Variants in R3HDM2 observed in about 807,000 individuals in gnomAD.
R3HDM2 encodes R3H domain containing 2.
A neutral mutation model predicts 124.5 loss-of-function variants in R3HDM2; 38 were observed. That is an observed-to-expected ratio of 0.31 (90% CI 0.24 to 0.40). The LOEUF is 0.40. R3HDM2 is among the 10% of genes least tolerant of loss of function. The pLI is 1.00. For synonymous variants in R3HDM2, 391 were observed against 448.0 expected (o/e 0.87, Z 1.61); for missense variants, 869 against 1,236.9 (o/e 0.70, Z 4.46).
chr12:57,363,071 C>A (rs2062141923), intron 2 of R3HDM2, among the ~76,000 whole-genome samples: 2 of 152,192 alleles, frequency 1.3e-5, no homozygotes, highest in South Asian at 4.1e-4. Flanking sequence ...GATCCGCCCA[C>A]CTTGGCCTCC....
rs765986921 is a variant in R3HDM2, at chr12:57,254,951, G to A, written c.2795C>T (p.Ala932Val). ...GAGGTCCGAGTGGCGGCCATTCTCA[G>A]CAGTCCCACTGTTGTCCCCCCCACC... is the stretch of plus-strand genomic sequence containing the variant. The part of the protein sequence containing the change: ...GGGGGDNSGT[A>V]ENGRHSDLAA... The change falls in exon 24 of 24, where the codon GCT becomes GTT. Residue 932 changes from alanine to valine, a missense_variant. Ala to Val is a moderately conservative substitution (Grantham distance 64). This residue lies in a region of R3HDM2 where 602 missense variants were observed against 789.2 expected (regional missense o/e 0.76). Transcript: ENST00000402412. 2 of 1,613,954 alleles carry A rather than the reference G, an allele frequency of 1.2e-6. No individual in the cohort carries two copies. The highest frequency in any genetic ancestry group is 1.7e-6 in the Non-Finnish European group (2 of 1,179,976).
intron 2 of R3HDM2, among the ~76,000 whole-genome samples, chr12:57,358,092 C>T: frequency 6.6e-6 from 1 of 151,714 alleles, no homozygotes. Flanking sequence ...AATTCTCCTG[C>T]CTCAGCTTCC....
chr12:57,256,356 G>A, intron 22 of R3HDM2, 58 bp downstream of exon 22: 2 of 1,379,718 alleles, frequency 1.4e-6, no homozygotes, highest in Non-Finnish European at 2.0e-6. Flanking sequence ...CTCAGACACA[G>A]GCACCCAAAT....
chr12:57,325,711 A>AT (rs35553480), intron 2 of R3HDM2, among the ~76,000 whole-genome samples: 2,199 of 142,078 alleles, frequency 0.015, 38 homozygotes, highest in Non-Finnish European at 0.022. Flanking sequence ...TCCTTAGCTA[A>AT]TTTTTTTTTT....
chr12:57,352,449 A>G (rs1317006457), intron 2 of R3HDM2, among the ~76,000 whole-genome samples: 1 of 151,942 alleles, frequency 6.6e-6, no homozygotes, highest in African/African-American at 2.4e-5. Context: ...TGGAGTTTAA[A>G]TAAGATGAAC....
intron 2 of R3HDM2, among the ~76,000 whole-genome samples, chr12:57,316,620 A>G (rs900486347): frequency 2.3e-4 from 31 of 133,210 alleles, no homozygotes; most frequent in African/African-American, 7.7e-4. Flanking sequence ...GAGTCTCACT[A>G]TATCACCCAG....
chr12:57,309,689 G>A (rs747320224), intron 3 of R3HDM2, among the ~76,000 whole-genome samples: 3 of 152,102 alleles, frequency 2.0e-5, no homozygotes, highest in South Asian at 2.1e-4. Context: ...TTAAATATGC[G>A]TTTGTGTACA....
chr12:57,266,074 G>A (rs2042305888), intron 19 of R3HDM2, among the ~76,000 whole-genome samples: 1 of 150,814 alleles, frequency 6.6e-6, no homozygotes, highest in Admixed American at 6.6e-5. Flanking sequence ...TGGGATTACA[G>A]GCGTGAGCCT....
chr12:57,346,837 G>A (rs1229508538), intron 2 of R3HDM2, among the ~76,000 whole-genome samples: 2 of 152,190 alleles, frequency 1.3e-5, no homozygotes, highest in Non-Finnish European at 2.9e-5. Context: ...TTTAATGTAT[G>A]TAGATGTAAC....
intron 2 of R3HDM2, among the ~76,000 whole-genome samples, chr12:57,314,959 G>A (rs1488041220): frequency 6.6e-6 from 1 of 152,042 alleles, no homozygotes; most frequent in Admixed American, 6.6e-5. Flanking sequence ...CCCGGGCTCA[G>A]GTGATCCTCC....
intron 2 of R3HDM2, among the ~76,000 whole-genome samples, chr12:57,374,313 A>G (rs1042468356): frequency 4.6e-5 from 7 of 150,572 alleles, no homozygotes; most frequent in African/African-American, 1.7e-4. Context: ...GAGTGAGACC[A>G]TCTCAAAAAA....
chr12:57,405,212 G>C (rs1312822529), intron 1 of R3HDM2, among the ~76,000 whole-genome samples: 1 of 152,068 alleles, frequency 6.6e-6, no homozygotes, highest in Non-Finnish European at 1.5e-5. Context: ...AAAATTTTTT[G>C]TAGAAATGCG....
intron 2 of R3HDM2, among the ~76,000 whole-genome samples, chr12:57,329,578 G>A (rs1033498462): frequency 2.0e-5 from 3 of 152,076 alleles, no homozygotes; most frequent in African/African-American, 7.2e-5. Context: ...TAATTGAGAC[G>A]TCTCTTTTCC....
At chr12:57,382,286 G>GT (rs72329934) in intron 2 of R3HDM2, among the ~76,000 whole-genome samples, 26,608 of 142,754 alleles carry the variant, frequency 0.19, 2,670 homozygotes, top group Admixed American at 0.28. Context: ...GGCTAATTTG[G>GT]TTTTTTTTTT....
chr12:57,314,509 A>G (rs1342999407), intron 2 of R3HDM2, among the ~76,000 whole-genome samples: 1 of 152,166 alleles, frequency 6.6e-6, no homozygotes, highest in East Asian at 1.9e-4. Context: ...AAATTAAATA[A>G]TAGTCAAAAC....
In R3HDM2 at chr12:57,395,675, T is replaced by A. The variant is rs1343212682; in HGVS notation, c.-36+74A>T. The A allele has an allele frequency of 5.1e-6, 3 of 582,754 alleles. No homozygotes were observed. The African/African-American group carries it at 6.1e-5, about 12-fold the overall frequency. The allele number at this position is 582,754 out of a possible 1,614,324, so 36.1% of individuals were successfully genotyped here. A position where few individuals can be genotyped will look rare whatever the true frequency, so the allele number is the denominator to read the frequency against. On this transcript the variant is annotated intron_variant, in intron 2 of 23. Coordinates refer to ENST00000402412, the MANE Select transcript of R3HDM2 (RefSeq NM_001394031.1). ...CAACACCATGGAGTTGTGTGAGGATTAAATGAGAACAGATGTATAACAATT... is the reference window on the plus strand; with the variant it reads ...CAACACCATGGAGTTGTGTGAGGATAAAATGAGAACAGATGTATAACAATT...
chr12:57,386,275 G>A (rs920401536), intron 2 of R3HDM2, among the ~76,000 whole-genome samples: 7 of 152,322 alleles, frequency 4.6e-5, no homozygotes, highest in South Asian at 2.1e-4. Context: ...TCGCCGAGGC[G>A]GGAGCCGGCT....
intron 2 of R3HDM2, among the ~76,000 whole-genome samples, chr12:57,392,202 G>C (rs1014450187): frequency 6.6e-6 from 1 of 152,202 alleles, no homozygotes; most frequent in African/African-American, 2.4e-5. Context: ...ACCACACCCA[G>C]CTAAGGGAAA....
At chr12:57,426,781 G>GA (rs561891211) in intron 1 of R3HDM2, among the ~76,000 whole-genome samples, 180 of 152,234 alleles carry the variant, frequency 1.2e-3, no homozygotes, top group Non-Finnish European at 2.1e-3. Context: ...AACATCCCCA[G>GA]AAAAAACATC....
Sources: allele counts gnomAD v4.1 joint callset (sites outside exome capture counted in the v4.1 genomes callset), GRCh38; gene constraint gnomAD v4.1.1; regional missense constraint gnomAD v4.1.1; transcripts MANE v1.5; gene names NCBI Gene and HGNC (gene_info 2026-07-23, HGNC 2026-07-21).